LRRC8B: variants seen among roughly 807,000 people sequenced by gnomAD.
LRRC8B encodes the protein leucine rich repeat containing 8 VRAC subunit B, also known as volume-regulated anion channel subunit LRRC8B.
In LRRC8B, 23 loss-of-function variants were observed where a neutral mutation model predicts 58.8. The ratio of observed to expected loss-of-function variants is 0.39; its 90% CI spans 0.28 to 0.55. The LOEUF (loss-of-function observed/expected upper bound fraction) is 0.55, where lower values mean the gene tolerates loss of function less well. Ranked by LOEUF, LRRC8B falls within the 20% of genes least tolerant of loss-of-function variation. LRRC8B has a pLI of 0.62. For synonymous variants in LRRC8B, 359 were observed against 374.1 expected (o/e 0.96, Z 0.47); for missense variants, 694 against 936.0 (o/e 0.74, Z 3.37).
rs535339377 is a variant in LRRC8B, at chr1:89,545,515, C to G, written c.-241+20493C>G. Reference sequence around the variant, plus strand: ...ACCCTGTCATACTGTGTCTGCATGCCCTGTCCAAGGCATTTACCAAGACAT... The same window carrying G: ...ACCCTGTCATACTGTGTCTGCATGCGCTGTCCAAGGCATTTACCAAGACAT... On this transcript the variant is annotated intron_variant, in intron 1 of 5. Transcript: ENST00000330947. 3.5e-4 allele frequency among the ~76,000 whole-genome samples: 53 copies of G among 152,212 alleles called. 1 individual carries two copies. Among genetic ancestry groups the G allele is most frequent in the African/African-American group, 1.2e-3 (51 of 41,532 alleles).
rs935514114 is a variant in LRRC8B at position 89,596,459 on chromosome 1, T to G, written c.*3416T>G. The G allele has an allele frequency of 6.6e-6, 1 of 152,176 alleles. No individual in the cohort carries two copies. The highest frequency in any genetic ancestry group is 6.5e-5 in the Admixed American group (1 of 15,278). 9.4% of individuals were successfully genotyped at this position (152,176 alleles called of 1,614,324 possible). On this transcript the variant is annotated 3_prime_UTR_variant, in exon 6 of 6. Transcript: ENST00000330947. ...AGTGATGTATTTGCATAACATTGTT[T>G]GATAGTGAAAAATTTTTTTTCGGTT...
At chr1:89,527,163 T>A (rs1649762495) in intron 1 of LRRC8B, among the ~76,000 whole-genome samples, 3 of 152,220 alleles carry the variant, frequency 2.0e-5, no homozygotes, top group African/African-American at 7.2e-5. Context: ...TAGCCAATGT[T>A]TTTCTTATAA....
intron 3 of LRRC8B, among the ~76,000 whole-genome samples, chr1:89,571,888 T>G (rs929755419): frequency 2.1e-4 from 32 of 152,306 alleles, no homozygotes; most frequent in African/African-American, 7.2e-4. Flanking sequence ...TTCTGTTGTT[T>G]TGGTTGGATA....
intron 5 of LRRC8B, among the ~76,000 whole-genome samples, chr1:89,586,533 G>A (rs1230652149): frequency 2.0e-5 from 3 of 152,180 alleles, no homozygotes; most frequent in African/African-American, 4.8e-5. Context: ...GCAGGTGAAT[G>A]TTTCCACCAA....
chr1:89,571,643 G>T (rs1403726402), intron 3 of LRRC8B, among the ~76,000 whole-genome samples: 1 of 152,182 alleles, frequency 6.6e-6, no homozygotes, highest in Non-Finnish European at 1.5e-5. Flanking sequence ...CACAAACAGG[G>T]ATACTTTGAT....
chr1:89,559,479 T>C (rs1385964646), intron 1 of LRRC8B, among the ~76,000 whole-genome samples: 1 of 151,388 alleles, frequency 6.6e-6, no homozygotes, highest in African/African-American at 2.4e-5. Context: ...ACAAAAAAAT[T>C]AAAAAATAGC....
At chr1:89,538,554 T>A (rs1650708111) in intron 1 of LRRC8B, among the ~76,000 whole-genome samples, 1 of 152,192 alleles carries the variant, frequency 6.6e-6, no homozygotes, top group Non-Finnish European at 1.5e-5. Context: ...CTCATTGTAG[T>A]AAGTTATCTT....
At chr1:89,551,986 T>C (rs980660841) in intron 1 of LRRC8B, among the ~76,000 whole-genome samples, 2 of 152,248 alleles carry the variant, frequency 1.3e-5, no homozygotes, top group Non-Finnish European at 2.9e-5. Context: ...TCACTGCTTA[T>C]TTATTCATAG....
chr1:89,531,091 T>A (rs769703689), intron 1 of LRRC8B, among the ~76,000 whole-genome samples: 15 of 152,332 alleles, frequency 9.8e-5, no homozygotes, highest in Non-Finnish European at 1.8e-4. Context: ...AAATTTAAGA[T>A]AAATTCTGTT....
In LRRC8B at chr1:89,552,234, A is replaced by G. The variant is rs558835340; in HGVS notation, c.-240-16013A>G. Among the ~76,000 whole-genome samples, 11 of 152,332 alleles carry G rather than the reference A, an allele frequency of 7.2e-5. No homozygotes were observed. In the East Asian group the frequency reaches 1.9e-3, roughly 27 times the overall value. The stretch of plus-strand genomic sequence containing the variant: ...TAAGCTTACTCAAATCCTGCTTAAA[A>G]TTAAAAATAAGTATAAAGAATAATA... On this transcript the variant is annotated intron_variant, in intron 1 of 5. Coordinates refer to ENST00000330947, the MANE Select transcript of LRRC8B (RefSeq NM_001369817.2).
At chr1:89,531,555 T>C (rs1650133576) in intron 1 of LRRC8B, among the ~76,000 whole-genome samples, 1 of 152,170 alleles carries the variant, frequency 6.6e-6, no homozygotes, top group Non-Finnish European at 1.5e-5. Context: ...TAGATGATCC[T>C]CTCTGGTAGC....
At chr1:89,545,244 T>A (rs948817888) in intron 1 of LRRC8B, among the ~76,000 whole-genome samples, 1 of 152,200 alleles carries the variant, frequency 6.6e-6, no homozygotes, top group African/African-American at 2.4e-5. Context: ...TGTTGTCTAG[T>A]GATATGGTCA....
chr1:89,547,710 C>A (rs763125947), intron 1 of LRRC8B, among the ~76,000 whole-genome samples: 5 of 150,958 alleles, frequency 3.3e-5, no homozygotes, highest in Non-Finnish European at 5.9e-5. Context: ...TAAATAAAAT[C>A]AAGAAACCAC....
At chr1:89,552,465 T>G (rs1011252735) in intron 1 of LRRC8B, among the ~76,000 whole-genome samples, 12 of 152,206 alleles carry the variant, frequency 7.9e-5, no homozygotes, top group Admixed American at 6.5e-5. Context: ...CGTTAGGTAC[T>G]TATAATAACT....
chr1:89,547,562 G>A (rs1270254788), intron 1 of LRRC8B, among the ~76,000 whole-genome samples: 2 of 152,200 alleles, frequency 1.3e-5, no homozygotes, highest in African/African-American at 4.8e-5. Context: ...GACATAGATA[G>A]CAATCCAGTC....
chr1:89,541,996 T>A (rs359947), intron 1 of LRRC8B, among the ~76,000 whole-genome samples: 31,875 of 152,106 alleles, frequency 0.21, 3,720 homozygotes, highest in South Asian at 0.3. Context: ...AATTCACAGA[T>A]TAAAATTTTT....
chr1:89,528,572 T>A (rs1010007955), intron 1 of LRRC8B, among the ~76,000 whole-genome samples: 2 of 152,222 alleles, frequency 1.3e-5, no homozygotes, highest in African/African-American at 4.8e-5. Context: ...TAGTTAAAAT[T>A]AGTTGCCAGC....
intron 1 of LRRC8B, among the ~76,000 whole-genome samples, chr1:89,545,291 C>A (rs1651319786): frequency 6.6e-6 from 1 of 152,196 alleles, no homozygotes; most frequent in Admixed American, 6.5e-5. Context: ...TGAGCATCAA[C>A]AGTGTACTTT....
chr1:89,554,518 G>A (rs913406461), intron 1 of LRRC8B, among the ~76,000 whole-genome samples: 13 of 152,050 alleles, frequency 8.5e-5, no homozygotes, highest in African/African-American at 2.9e-4. Flanking sequence ...GACACCTTTC[G>A]ATTGCCTTCA....
Sources: allele counts gnomAD v4.1 joint callset (sites outside exome capture counted in the v4.1 genomes callset), GRCh38; gene constraint gnomAD v4.1.1; transcripts MANE v1.5; gene names NCBI Gene and HGNC (gene_info 2026-07-23, HGNC 2026-07-21).